Variants in DCLK2 observed in about 807,000 individuals in gnomAD.
DCLK2 encodes the protein serine/threonine-protein kinase DCLK2.
In DCLK2, 31 loss-of-function variants were observed where a neutral mutation model predicts 78.4. That is an observed-to-expected ratio of 0.40 (90% CI 0.30 to 0.53). DCLK2 has a LOEUF of 0.53. DCLK2 is among the 20% of genes least tolerant of loss of function. DCLK2 has a pLI of 0.61. For synonymous variants in DCLK2, 407 were observed against 374.9 expected (o/e 1.09, Z -0.99); for missense variants, 872 against 973.7 (o/e 0.90, Z 1.39).
chr4:150,193,265 A>G (rs780058057), intron 3 of DCLK2, 25 bp downstream of exon 3: 5 of 1,476,140 alleles, frequency 3.4e-6, no homozygotes, highest in Non-Finnish European at 2.8e-6. Flanking sequence ...CAGCTAATTC[A>G]TTTTTCCATC....
chr4:150,201,308 C>T (rs937503831), intron 4 of DCLK2, among the ~76,000 whole-genome samples: 15 of 152,218 alleles, frequency 9.9e-5, no homozygotes, highest in African/African-American at 3.4e-4. Flanking sequence ...CTGGCGGAGG[C>T]ATACCTTCCA....
intron 15 of DCLK2, chr4:150,253,684 A>G (rs1580814350): frequency 1.7e-6 from 2 of 1,210,632 alleles, no homozygotes; most frequent in Admixed American, 3.4e-5. Flanking sequence ...TTTTGTACCT[A>G]CTCACATCCT....
intron 1 of DCLK2, among the ~76,000 whole-genome samples, chr4:150,092,315 A>C (rs924057722): frequency 6.6e-6 from 1 of 152,148 alleles, no homozygotes; most frequent in Non-Finnish European, 1.5e-5. Flanking sequence ...ATTCTTCTGG[A>C]TATATACCCC....
chr4:150,132,499 G>A (rs1733387816), intron 2 of DCLK2, among the ~76,000 whole-genome samples: 1 of 152,214 alleles, frequency 6.6e-6, no homozygotes, highest in African/African-American at 2.4e-5. Context: ...CATGGTAGTT[G>A]TGTTCTGTGT....
chr4:150,097,691 A>G (rs1037378897), intron 1 of DCLK2, among the ~76,000 whole-genome samples: 1 of 152,198 alleles, frequency 6.6e-6, no homozygotes, highest in Non-Finnish European at 1.5e-5. Flanking sequence ...CTTATAGGAT[A>G]TTGAAGGAAT....
intron 4 of DCLK2, among the ~76,000 whole-genome samples, chr4:150,200,281 G>A (rs1017207423): frequency 1.3e-5 from 2 of 152,138 alleles, no homozygotes; most frequent in Non-Finnish European, 1.5e-5. Flanking sequence ...TCCACATTTG[G>A]ATTTGAGTTA....
intron 2 of DCLK2, among the ~76,000 whole-genome samples, chr4:150,184,670 C>G (rs944474378): frequency 1.3e-5 from 2 of 150,678 alleles, no homozygotes; most frequent in Non-Finnish European, 2.9e-5. Context: ...AGCGCGATCT[C>G]GGCTCACTGC....
intron 8 of DCLK2, among the ~76,000 whole-genome samples, chr4:150,225,547 A>C (rs190243794): frequency 1.4e-4 from 22 of 152,374 alleles, no homozygotes; most frequent in Non-Finnish European, 2.5e-4. Flanking sequence ...CCAGTCACGT[A>C]CAGCTACAAA....
intron 1 of DCLK2, among the ~76,000 whole-genome samples, chr4:150,091,261 G>T (rs1446739698): frequency 6.6e-6 from 1 of 152,198 alleles, no homozygotes; most frequent in African/African-American, 2.4e-5. Flanking sequence ...AGGCAAATAT[G>T]CTCGAATATC....
At chr4:150,114,073 A>C (rs72730346) in intron 2 of DCLK2, among the ~76,000 whole-genome samples, 5,508 of 152,104 alleles carry the variant, frequency 0.036, 123 homozygotes, top group Middle Eastern at 0.054. Context: ...TTTTGTAGTT[A>C]ATTTTAGTTT....
chr4:150,177,917 G>A (rs1737206309), intron 2 of DCLK2, among the ~76,000 whole-genome samples: 1 of 152,168 alleles, frequency 6.6e-6, no homozygotes, highest in Admixed American at 6.5e-5. Flanking sequence ...GCAGGGCACT[G>A]GGGCTGGGGA....
chr4:150,244,295 T>C (rs181210712), intron 12 of DCLK2, among the ~76,000 whole-genome samples: 1 of 152,310 alleles, frequency 6.6e-6, no homozygotes, highest in Admixed American at 6.5e-5. Context: ...GATTGGTTTT[T>C]CAGAGGCACC....
chr4:150,176,210 G>A (rs755984724), intron 2 of DCLK2, among the ~76,000 whole-genome samples: 12 of 152,010 alleles, frequency 7.9e-5, no homozygotes, highest in African/African-American at 1.9e-4. Context: ...CTGTCCTTCC[G>A]CCATGAATCT....
intron 10 of DCLK2, among the ~76,000 whole-genome samples, chr4:150,234,566 G>A (rs1285669290): frequency 6.6e-6 from 1 of 152,130 alleles, no homozygotes; most frequent in Non-Finnish European, 1.5e-5. Context: ...CCATCCTGGG[G>A]ACTTTTTATT....
chr4:150,092,260 T>C (rs1421161067), intron 1 of DCLK2, among the ~76,000 whole-genome samples: 1 of 152,202 alleles, frequency 6.6e-6, no homozygotes. Context: ...AATTATGGTG[T>C]AATGAGCATC....
At chr4:150,104,569 A>G (rs949695364) in intron 2 of DCLK2, among the ~76,000 whole-genome samples, 1 of 152,136 alleles carries the variant, frequency 6.6e-6, no homozygotes, top group Admixed American at 6.5e-5. Context: ...ACATTTCAAA[A>G]CAATACAGTG....
At chr4:150,104,705 C>T (rs1731135009) in intron 2 of DCLK2, among the ~76,000 whole-genome samples, 1 of 151,620 alleles carries the variant, frequency 6.6e-6, no homozygotes, top group African/African-American at 2.4e-5. Flanking sequence ...GTTGCAAAGG[C>T]CTTTGATAAA....
At chr4:150,250,785 C>T (rs1304236532) in intron 15 of DCLK2, among the ~76,000 whole-genome samples, 1 of 151,368 alleles carries the variant, frequency 6.6e-6, no homozygotes, top group Non-Finnish European at 1.5e-5. Context: ...ACATGGTTGT[C>T]TGAGAGCCTT....
intron 2 of DCLK2, 119 bp downstream of exon 2, chr4:150,102,931 T>A (rs1730987579): frequency 1.0e-6 from 1 of 972,268 alleles, no homozygotes; most frequent in Non-Finnish European, 1.5e-6. Context: ...GGAGTCATAC[T>A]TGAGATTGTG....
Sources: gnomAD v4.1 joint callset for allele counts (sites outside exome capture counted in the v4.1 genomes callset) on GRCh38, gnomAD v4.1.1 for gene constraint, MANE v1.5 for transcripts, NCBI Gene and HGNC (gene_info 2026-07-23, HGNC 2026-07-21) for gene names.